Variants in KMT2C observed in about 807,000 individuals in gnomAD.
The protein encoded by KMT2C is lysine methyltransferase 2C.
A neutral mutation model predicts 507.9 loss-of-function variants in KMT2C; 88 were observed. That is an observed-to-expected ratio of 0.17 (90% CI 0.15 to 0.21). The LOEUF (loss-of-function observed/expected upper bound fraction) is 0.21. Among genes scored for constraint, KMT2C ranks in the 10% least tolerant of loss-of-function variants. KMT2C has a pLI of 1.00. For synonymous variants in KMT2C, 2,049 were observed against 2,080.8 expected (o/e 0.98, Z 0.42); for missense variants, 4,954 against 5,957.8 (o/e 0.83, Z 5.55).
rs59211198 is a variant in KMT2C at position 152,361,479 on chromosome 7, C to T, written c.162-2804G>A. On this transcript the variant is annotated intron_variant, in intron 1 of 58. Coordinates refer to ENST00000262189, the MANE Select transcript of KMT2C (RefSeq NM_170606.3). ...TCGGGAGGCTGAGGCAGGAGAATGG[C>T]GTGAACCCGGGAGGCAGAGGTTGCG... 3.9e-4 allele frequency among the ~76,000 whole-genome samples: 59 copies of T among 152,142 alleles called. No individual in the cohort carries two copies. The East Asian group carries it at 0.011, about 28-fold the overall frequency.
In KMT2C at chr7:152,149,089, A is replaced by G; in HGVS notation, c.12838T>C (p.Tyr4280His). The G allele has an allele frequency of 6.6e-7, 1 of 1,509,926 alleles. No individual in the cohort carries two copies. The highest frequency in any genetic ancestry group is 8.8e-7 in the Non-Finnish European group (1 of 1,131,974). The allele number at this position is 1,509,926 out of a possible 1,614,324, so 93.5% of individuals were successfully genotyped here. A position where few individuals can be genotyped will look rare whatever the true frequency, so the allele number is the denominator to read the frequency against. The change falls in exon 52 of 59, where the codon TAC becomes CAC. Residue 4280 changes from tyrosine (Y) to histidine (H), a missense_variant. Around this residue, in one of 29 missense-constraint regions of KMT2C, gnomAD observed 417 missense variants for 461.1 expected, o/e 0.90. Coordinates refer to ENST00000262189, the MANE Select transcript of KMT2C (RefSeq NM_170606.3). ...TCCAAAGTGGAGATGTTGTTGCTGT[A>G]CTGATGAAATGCTTTGGAAGGCGTT... ...RETPSKAFHQ[Y>H]SNNISTLDVH...
intron 3 of KMT2C, among the ~76,000 whole-genome samples, chr7:152,329,518 T>G (rs2096860317): frequency 6.6e-6 from 1 of 151,322 alleles, no homozygotes. Context: ...TGCAGTGAGC[T>G]GTGATCACAC....
intron 9 of KMT2C, among the ~76,000 whole-genome samples, chr7:152,255,289 T>C (rs2129168633): frequency 6.6e-6 from 1 of 151,232 alleles, no homozygotes; most frequent in East Asian, 2.0e-4. Context: ...ACCTCAGCCT[T>C]CTGAGTAACT....
Position 152,138,728 on chromosome 7 carries a change from T to C in KMT2C, c.14643+68A>G. 2.1e-6 allele frequency: 2 copies of C among 939,272 alleles called. No homozygotes were observed. The highest frequency in any genetic ancestry group is 3.3e-6 in the Non-Finnish European group (2 of 605,894). 58.2% of individuals were successfully genotyped at this position (939,272 alleles called of 1,614,324 possible). On this transcript the variant is annotated intron_variant, in intron 58 of 58. Transcript: ENST00000262189. This position sits in a 1 kb window ranked among gnomAD's most constrained non-coding sequence, Gnocchi z 4.2. ...TTGGGAAACAAGTGAGTAAGTGACC[T>C]GTGTGAGGAGGGAACTATTCGCCCA...
At chr7:152,194,698 A>T in intron 28 of KMT2C, 130 bp from the exon 29 acceptor site, 12 of 588,598 alleles carry the variant, frequency 2.0e-5, no homozygotes, top group South Asian at 3.3e-5. Context: ...GTAATTCTGA[A>T]TCAGAATTCT....
intron 6 of KMT2C, among the ~76,000 whole-genome samples, chr7:152,281,853 G>A (rs1025313394): frequency 2.0e-5 from 3 of 152,012 alleles, no homozygotes; most frequent in African/African-American, 7.3e-5. Context: ...CCTTGTTCAA[G>A]CCCAATGAGT....
chr7:152,307,247 A>ACGGT (rs1563803063), intron 6 of KMT2C, among the ~76,000 whole-genome samples: 2 of 122,864 alleles, frequency 1.6e-5, no homozygotes, highest in Non-Finnish European at 3.3e-5. Context: ...GGAAGGAAGG[A>ACGGT]AGGACGGTAG....
chr7:152,214,909 A>G (rs191726455), intron 23 of KMT2C, among the ~76,000 whole-genome samples: 16 of 152,274 alleles, frequency 1.1e-4, no homozygotes, highest in African/African-American at 3.4e-4. Context: ...TGAGAACCAC[A>G]GTTAATAATA....
chr7:152,344,318 C>T (rs558879121), intron 2 of KMT2C, among the ~76,000 whole-genome samples: 18 of 152,214 alleles, frequency 1.2e-4, no homozygotes, highest in African/African-American at 4.1e-4. Context: ...ACTAAGATGG[C>T]TACTAAGTGA....
At position 152,176,651 on chromosome 7, in the gene KMT2C, T is replaced by C. The variant is rs773031087; in HGVS notation, c.8802A>G (p.Pro2934=). Residue 2934 remains proline, a synonymous_variant, in exon 38 of 59, where the codon CCA becomes CCG. Coordinates refer to ENST00000262189, the MANE Select transcript of KMT2C (RefSeq NM_170606.3). ...NEKSDNSDIR[P]SGSPPPPTLP... ...GAGTTGGTGGTGGTGGAGACCCCGA[T>C]GGCCTAATGTCTGAATTATCAGATT... 8.1e-6 allele frequency: 13 copies of C among 1,614,108 alleles called. No individual in the cohort carries two copies. Among genetic ancestry groups the C allele is most frequent in the East Asian group, 6.7e-5 (3 of 44,892 alleles).
intron 2 of KMT2C, among the ~76,000 whole-genome samples, chr7:152,331,607 TCAACAACAACAA>T (rs368990623): frequency 6.7e-5 from 9 of 134,306 alleles, no homozygotes; most frequent in East Asian, 4.7e-4. Flanking sequence ...AGATCCTACC[TCAACAACAACAA>T]CAACAACAAC....
chr7:152,181,480 G>A lies in KMT2C; in HGVS notation c.6380C>T (p.Ser2127Phe). The change falls in exon 36 of 59, where the codon TCT becomes TTT. Residue 2127 changes from serine (S) to phenylalanine (F), a missense_variant. Ser to Phe is a radical substitution (Grantham distance 155). This residue lies in a region of KMT2C where 1,689 missense variants were observed against 1,654.3 expected (regional missense o/e 1.02). Coordinates refer to ENST00000262189, the MANE Select transcript of KMT2C (RefSeq NM_170606.3). ...TGGGGGTTGGGAGTATGGGTCCTGA[G>A]ATGTTGGCCTTGATATGGTTCCAGG... ...SQPGTISRPT[S>F]QDPYSQPPGT... 1 of 1,614,104 alleles carries A rather than the reference G, an allele frequency of 6.2e-7. No individual in the cohort carries two copies.
chr7:152,297,055 C>CAGACAGACAGAAAGAG (rs1315629061), intron 6 of KMT2C, among the ~76,000 whole-genome samples: 9 of 84,406 alleles, frequency 1.1e-4, no homozygotes, highest in African/African-American at 4.9e-4. Context: ...GAAAGAAAGA[C>CAGACAGACAGAAAGAG]AGAGAGAGAG....
chr7:152,166,123 ATT>A (rs1190668716), intron 42 of KMT2C, among the ~76,000 whole-genome samples: 10 of 135,868 alleles, frequency 7.4e-5, no homozygotes, highest in Admixed American at 7.3e-5. Context: ...GAGCACTCAC[ATT>A]TTTTTTTTTT....
At chr7:152,307,479 T>C (rs2096632285) in intron 6 of KMT2C, among the ~76,000 whole-genome samples, 1 of 152,008 alleles carries the variant, frequency 6.6e-6, no homozygotes, top group Non-Finnish European at 1.5e-5. Context: ...AGTGATTCAA[T>C]CTAGTGGAGA....
chr7:152,186,686 T>G (rs2093637042), intron 33 of KMT2C, among the ~76,000 whole-genome samples: 1 of 152,230 alleles, frequency 6.6e-6, no homozygotes. Context: ...CTAGTTTGTC[T>G]GATACCATGA....
In KMT2C at chr7:152,138,950, G is replaced by T; in HGVS notation, c.14535-46C>A. On this transcript the variant is annotated intron_variant, in intron 57 of 58. Transcript: ENST00000262189. This position sits in a 1 kb window ranked among gnomAD's most constrained non-coding sequence, Gnocchi z 4.2. The stretch of plus-strand genomic sequence containing the variant: ...AAACTGTATTGTAAAACAGCTAGAA[G>T]CAGCTTTAAAAACTTCCCATTTATT... 6.9e-7 allele frequency: 1 copy of T among 1,456,676 alleles called. No homozygotes were observed. Among genetic ancestry groups the T allele is most frequent in the Non-Finnish European group, 9.6e-7 (1 of 1,038,228 alleles). 90.2% of individuals were successfully genotyped at this position (1,456,676 alleles called of 1,614,324 possible).
intron 25 of KMT2C, among the ~76,000 whole-genome samples, chr7:152,203,382 G>GA (rs1283881388): frequency 6.6e-6 from 1 of 151,790 alleles, no homozygotes; most frequent in African/African-American, 2.4e-5. Context: ...TGAGTATGAC[G>GA]AAATGGCAAC....
intron 9 of KMT2C, 120 bp downstream of exon 9, chr7:152,262,896 T>C (rs1263564580): frequency 3.0e-6 from 2 of 663,454 alleles, no homozygotes; most frequent in South Asian, 2.1e-5. Flanking sequence ...TATATGTCAA[T>C]AAAGCTGTTT....
Sources: allele counts gnomAD v4.1 joint callset (sites outside exome capture counted in the v4.1 genomes callset), GRCh38; gene constraint gnomAD v4.1.1; regional missense constraint gnomAD v4.1.1; non-coding constraint Gnocchi (gnomAD v3.1); transcripts MANE v1.5; gene names NCBI Gene and HGNC (gene_info 2026-07-23, HGNC 2026-07-21).